The following SHISA6 variants were observed in gnomAD, a reference collection of about 807,000 sequenced individuals.
SHISA6 encodes protein shisa-6.
A neutral mutation model predicts 47.9 loss-of-function variants in SHISA6; 22 were observed. The observed-to-expected ratio is 0.46, with a 90% CI of 0.33 to 0.66. The LOEUF (loss-of-function observed/expected upper bound fraction) is 0.66. SHISA6 is among the 30% of genes least tolerant of loss of function. The pLI is 0.02. For missense variants in SHISA6, 680 were observed against 764.6 expected, an observed-to-expected ratio of 0.89 and a Z score of 1.30; for synonymous variants, 388 against 337.8, an observed-to-expected ratio of 1.15 and a Z score of -1.63.
Position 11,249,522 on chromosome 17 carries a change from C to T in SHISA6, c.638+7462C>T, listed in dbSNP as rs557769457. Among the ~76,000 whole-genome samples, 5 of 152,230 alleles carry T rather than the reference C, an allele frequency of 3.3e-5. No homozygotes were observed. In the East Asian group the frequency reaches 9.7e-4, roughly 29 times the overall value. Reference sequence around the variant, plus strand: ...ATGTGAAAATAACCTCTGTGGCATGCAGTTTGGGGGTTTTCCCTGTAATGT... The same window carrying T: ...ATGTGAAAATAACCTCTGTGGCATGTAGTTTGGGGGTTTTCCCTGTAATGT... On this transcript the variant is annotated intron_variant, in intron 1 of 5. Coordinates refer to ENST00000441885, the MANE Select transcript of SHISA6 (RefSeq NM_207386.4).
intron 1 of SHISA6, among the ~76,000 whole-genome samples, chr17:11,246,323 T>A (rs1567698109): frequency 6.6e-6 from 1 of 152,058 alleles, no homozygotes; most frequent in Non-Finnish European, 1.5e-5. Context: ...ATCCCGTCTC[T>A]ACGAAAAACA....
At chr17:11,463,831 T>C (rs867594185) in intron 3 of SHISA6, among the ~76,000 whole-genome samples, 11 of 152,228 alleles carry the variant, frequency 7.2e-5, no homozygotes, top group African/African-American at 2.4e-4. Context: ...TGAAAAATCA[T>C]TTGCTTATAC....
chr17:11,336,445 C>T (rs934178271), intron 2 of SHISA6, among the ~76,000 whole-genome samples: 6 of 152,058 alleles, frequency 3.9e-5, no homozygotes, highest in African/African-American at 7.2e-5. Context: ...ATGGAATCAA[C>T]ATGGCCCATG....
chr17:11,397,368 GCTAAATGTCTACT>G (rs1426218123), intron 3 of SHISA6, among the ~76,000 whole-genome samples: 1 of 147,200 alleles, frequency 6.8e-6, no homozygotes, highest in African/African-American at 2.6e-5. Flanking sequence ...GCATCTGGGT[GCTAAATGTCTACT>G]CTCTTACCTG....
chr17:11,256,809 T>C (rs993218458), intron 1 of SHISA6, among the ~76,000 whole-genome samples: 2 of 151,956 alleles, frequency 1.3e-5, no homozygotes, highest in Admixed American at 6.6e-5. Context: ...AGGAACGGAG[T>C]ATGTGAAGAT....
chr17:11,368,544 A>G (rs1344441840), intron 2 of SHISA6, among the ~76,000 whole-genome samples: 6 of 152,148 alleles, frequency 3.9e-5, no homozygotes, highest in African/African-American at 1.4e-4. Context: ...TTGCTCTTCT[A>G]GTAGTAATGG....
At position 11,287,673 on chromosome 17, in the gene SHISA6, A is replaced by T. The variant is rs918549040; in HGVS notation, c.799+24147A>T. 7.2e-5 allele frequency among the ~76,000 whole-genome samples: 9 copies of T among 124,190 alleles called. No homozygotes were observed. In the Admixed American group the frequency reaches 8.4e-4, roughly 12 times the overall value. The allele number at this position is 124,190 out of a possible 152,430, so 81.5% of individuals were successfully genotyped here. ...AGGTGACAGAGACAGACCTTGTCAG[A>T]AAGAGAGAGAGAGAGAGAGAAAGGG... On this transcript the variant is annotated intron_variant, in intron 2 of 5. Coordinates refer to ENST00000441885, the MANE Select transcript of SHISA6 (RefSeq NM_207386.4).
chr17:11,478,997 T>A (rs984311398), intron 3 of SHISA6, among the ~76,000 whole-genome samples: 1 of 152,162 alleles, frequency 6.6e-6, no homozygotes, highest in Non-Finnish European at 1.5e-5. Flanking sequence ...GTAGGAAGAA[T>A]CAATATCGTG....
intron 3 of SHISA6, among the ~76,000 whole-genome samples, chr17:11,505,465 C>T (rs1271103274): frequency 6.6e-6 from 1 of 152,216 alleles, no homozygotes; most frequent in Admixed American, 6.5e-5. Flanking sequence ...CCTCTCTGTT[C>T]TTTCTTAAGA....
chr17:11,302,747 T>C (rs1328172150), intron 2 of SHISA6, among the ~76,000 whole-genome samples: 1 of 151,692 alleles, frequency 6.6e-6, no homozygotes, highest in Non-Finnish European at 1.5e-5. Flanking sequence ...CCATTTCACA[T>C]ATAGGGCCAA....
chr17:11,386,496 A>C (rs111595569), intron 3 of SHISA6, among the ~76,000 whole-genome samples: 3,750 of 152,284 alleles, frequency 0.025, 69 homozygotes, highest in Non-Finnish European at 0.036. Context: ...GATTATAGAG[A>C]ATGAGAGCAG....
intron 2 of SHISA6, among the ~76,000 whole-genome samples, chr17:11,311,881 T>C (rs1910353059): frequency 6.6e-6 from 1 of 152,118 alleles, no homozygotes; most frequent in Non-Finnish European, 1.5e-5. Flanking sequence ...GTTCAAGCGA[T>C]TCTTCTGCCT....
chr17:11,280,749 T>G (rs11656384), intron 2 of SHISA6, among the ~76,000 whole-genome samples: 70,777 of 152,058 alleles, frequency 0.47, 16,878 homozygotes, highest in Non-Finnish European at 0.52. Context: ...GGTAGAAACA[T>G]CAGGCCTCAT....
At chr17:11,493,583 A>G (rs61113875) in intron 3 of SHISA6, among the ~76,000 whole-genome samples, 76,041 of 151,326 alleles carry the variant, frequency 0.5, 19,361 homozygotes, top group Non-Finnish European at 0.55. Context: ...GTGCGCGCGC[A>G]CACACACACA....
chr17:11,524,737 G>A (rs1259172129), intron 3 of SHISA6, among the ~76,000 whole-genome samples: 3 of 152,128 alleles, frequency 2.0e-5, no homozygotes, highest in African/African-American at 7.2e-5. Context: ...GACCTCAGGT[G>A]ATCCACCCGC....
intron 3 of SHISA6, among the ~76,000 whole-genome samples, chr17:11,509,299 A>G (rs1253649055): frequency 1.3e-5 from 2 of 152,220 alleles, no homozygotes; most frequent in Non-Finnish European, 2.9e-5. Context: ...GTCTGAGGAG[A>G]TCCACTCAAA....
At chr17:11,473,707 TTCTC>T (rs1409620585) in intron 3 of SHISA6, among the ~76,000 whole-genome samples, 6 of 152,120 alleles carry the variant, frequency 3.9e-5, no homozygotes, top group South Asian at 2.1e-4. Context: ...GATAACCTCT[TTCTC>T]TCTCTCCTCT....
chr17:11,449,721 A>C (rs901186093), intron 3 of SHISA6, among the ~76,000 whole-genome samples: 1 of 152,222 alleles, frequency 6.6e-6, no homozygotes, highest in African/African-American at 2.4e-5. Flanking sequence ...TGGAGGCCAG[A>C]AACCTCCACA....
chr17:11,445,401 A>G (rs902250251), intron 3 of SHISA6, among the ~76,000 whole-genome samples: 5 of 152,202 alleles, frequency 3.3e-5, no homozygotes, highest in African/African-American at 1.2e-4. Flanking sequence ...GTGAAATTGC[A>G]TGCAAACCGT....
Sources: allele counts gnomAD v4.1 joint callset (sites outside exome capture counted in the v4.1 genomes callset), GRCh38; gene constraint gnomAD v4.1.1; transcripts MANE v1.5; gene names NCBI Gene and HGNC (gene_info 2026-07-23, HGNC 2026-07-21).